The following FSTL4 variants were observed in gnomAD, a reference collection of about 807,000 sequenced individuals.
FSTL4 encodes follistatin-related protein 4.
In FSTL4, 28 loss-of-function variants were observed where a neutral mutation model predicts 78.2. The ratio of observed to expected loss-of-function variants is 0.36; its 90% CI spans 0.27 to 0.49. The LOEUF is 0.49. Among genes scored for constraint, FSTL4 ranks in the 20% least tolerant of loss-of-function variants. FSTL4 has a pLI of 0.98. For synonymous variants in FSTL4, 422 were observed against 440.5 expected, an observed-to-expected ratio of 0.96 and a Z score of 0.53; for missense variants, 922 against 1,084.9, an observed-to-expected ratio of 0.85 and a Z score of 2.11.
At chr5:133,371,127 C>T (rs987224071) in intron 4 of FSTL4, among the ~76,000 whole-genome samples, 27 of 152,202 alleles carry the variant, frequency 1.8e-4, no homozygotes, top group African/African-American at 4.6e-4. Context: ...GGAGGGACAG[C>T]GCACAGAGGG....
At chr5:133,801,625 C>A in the FSTL4 span, among the ~76,000 whole-genome samples, 1 of 152,254 alleles carries the variant, frequency 6.6e-6, no homozygotes, top group Non-Finnish European at 1.5e-5. Flanking sequence ...ATAACCACAG[C>A]GGTGTCCCCG....
chr5:133,373,474 A>G (rs1755365506), intron 4 of FSTL4, among the ~76,000 whole-genome samples: 1 of 152,228 alleles, frequency 6.6e-6, no homozygotes, highest in African/African-American at 2.4e-5. Flanking sequence ...ACAATGAGCT[A>G]TATGTAGAAG....
intron 8 of FSTL4, among the ~76,000 whole-genome samples, chr5:133,230,308 T>C (rs1388058456): frequency 6.6e-6 from 1 of 152,200 alleles, no homozygotes; most frequent in Non-Finnish European, 1.5e-5. Context: ...CTGGAGGATG[T>C]GCATTTACCT....
chr5:133,336,069 G>A (rs1754456342), intron 4 of FSTL4, among the ~76,000 whole-genome samples: 1 of 152,228 alleles, frequency 6.6e-6, no homozygotes, highest in Non-Finnish European at 1.5e-5. Flanking sequence ...GGGACTTACT[G>A]TAACTCTAGA....
the FSTL4 span, among the ~76,000 whole-genome samples, chr5:133,649,645 T>C: frequency 1.3e-5 from 2 of 152,344 alleles, no homozygotes; most frequent in Non-Finnish European, 2.9e-5. Context: ...TATTGCTATC[T>C]ACATCTTCTT....
At chr5:133,784,376 C>A in the FSTL4 span, among the ~76,000 whole-genome samples, 75 of 152,322 alleles carry the variant, frequency 4.9e-4, no homozygotes, top group African/African-American at 1.6e-3. Context: ...AAACTCCACC[C>A]TCTAAAAGGC....
the FSTL4 span, among the ~76,000 whole-genome samples, chr5:133,779,480 G>C: frequency 6.6e-6 from 1 of 152,168 alleles, no homozygotes; most frequent in Non-Finnish European, 1.5e-5. Flanking sequence ...CAGCTACTCA[G>C]GAGGTTGAGG....
intron 6 of FSTL4, among the ~76,000 whole-genome samples, chr5:133,301,294 C>T (rs1031584099): frequency 6.6e-6 from 1 of 152,196 alleles, no homozygotes; most frequent in African/African-American, 2.4e-5. Context: ...GGCTCTGCAG[C>T]CCCAACCTCT....
At chr5:133,603,835 T>C in intron 2 of FSTL4, 23 bp downstream of exon 2, 2 of 1,611,990 alleles carry the variant, frequency 1.2e-6, no homozygotes, top group Non-Finnish European at 1.7e-6. Context: ...TGAAATGTTA[T>C]GTCCGCAGGG....
the FSTL4 span, among the ~76,000 whole-genome samples, chr5:133,673,136 C>G: frequency 6.6e-6 from 1 of 152,224 alleles, no homozygotes; most frequent in African/African-American, 2.4e-5. Context: ...CAGATAGCAT[C>G]TATCTCAGTG....
chr5:133,444,294 A>G (rs540444075), intron 3 of FSTL4, among the ~76,000 whole-genome samples: 3 of 152,328 alleles, frequency 2.0e-5, no homozygotes, highest in African/African-American at 7.2e-5. Context: ...CATGATGGTT[A>G]GAAGCACTGA....
intron 6 of FSTL4, among the ~76,000 whole-genome samples, chr5:133,310,150 C>T (rs897301970): frequency 3.1e-4 from 47 of 152,012 alleles, no homozygotes; most frequent in East Asian, 1.3e-3. Context: ...CATGTCAAGC[C>T]TTTATAGTGG....
intron 1 of FSTL4, among the ~76,000 whole-genome samples, chr5:133,609,238 C>T (rs1319827410): frequency 6.6e-6 from 1 of 152,230 alleles, no homozygotes; most frequent in Non-Finnish European, 1.5e-5. Flanking sequence ...CCTGAAGCAT[C>T]TGCATTCTCA....
chr5:133,291,649 C>T (rs1222216747), intron 6 of FSTL4, among the ~76,000 whole-genome samples: 3 of 152,090 alleles, frequency 2.0e-5, no homozygotes, highest in African/African-American at 4.8e-5. Context: ...GGGAGAGGTC[C>T]GGAGGGCCTG....
intron 8 of FSTL4, among the ~76,000 whole-genome samples, chr5:133,229,121 A>G (rs1249846532): frequency 6.6e-6 from 1 of 152,258 alleles, no homozygotes; most frequent in Non-Finnish European, 1.5e-5. Context: ...GACATTAAAA[A>G]AGGCTTGGAT....
rs116748031 is a variant in FSTL4 at position 133,549,392 on chromosome 5, T to C, written c.160+17794A>G. Reference sequence around the variant, plus strand: ...TTAAAATTTCAATTACCTTTTTTAATTTCTAGAAATTCTATTTGGTTATTT... The same window carrying C: ...TTAAAATTTCAATTACCTTTTTTAACTTCTAGAAATTCTATTTGGTTATTT... On this transcript the variant is annotated intron_variant, in intron 3 of 15. Transcript: ENST00000265342. Among the ~76,000 whole-genome samples the C allele has an allele frequency of 2.0e-3, 309 of 152,308 alleles. 1 individual carries two copies. Among genetic ancestry groups the C allele is most frequent in the Middle Eastern group, 0.01 (3 of 294 alleles).
At chr5:133,557,871 A>T (rs956680625) in intron 3 of FSTL4, among the ~76,000 whole-genome samples, 3 of 152,214 alleles carry the variant, frequency 2.0e-5, no homozygotes, top group African/African-American at 4.8e-5. Context: ...TGCAACAAAA[A>T]CGTCACCACT....
intron 4 of FSTL4, among the ~76,000 whole-genome samples, chr5:133,395,755 A>G (rs1756022234): frequency 6.6e-6 from 1 of 152,118 alleles, no homozygotes; most frequent in African/African-American, 2.4e-5. Context: ...CTCTCAACCT[A>G]GCAAACCTTC....
the FSTL4 span, among the ~76,000 whole-genome samples, chr5:133,785,376 G>A: frequency 0.046 from 7,035 of 152,216 alleles, 477 homozygotes; most frequent in African/African-American, 0.15. Context: ...AACGTTTGCC[G>A]AGATACCTTT....
Sources: allele counts gnomAD v4.1 joint callset (sites outside exome capture counted in the v4.1 genomes callset), GRCh38; gene constraint gnomAD v4.1.1; transcripts MANE v1.5; gene names NCBI Gene and HGNC (gene_info 2026-07-23, HGNC 2026-07-21).